CNTLN: variants seen among roughly 807,000 people sequenced by gnomAD.
The protein encoded by CNTLN is centlein, centrosomal protein.
A neutral mutation model predicts 180.0 loss-of-function variants in CNTLN; 212 were observed. That is an observed-to-expected ratio of 1.18 (90% confidence interval 1.05 to 1.32). CNTLN has a LOEUF of 1.32. CNTLN is among the 40% of genes most tolerant of loss of function. The probability of loss-of-function intolerance (pLI) is 0.00; values close to 1 mark genes in which losing one functional copy is unlikely to be tolerated. For missense variants in CNTLN, 2,095 were observed against 1,610.9 expected, an observed-to-expected ratio of 1.30 and a Z score of -5.14; for synonymous variants, 722 against 563.1, an observed-to-expected ratio of 1.28 and a Z score of -3.99.
chr9:17,136,689 A>T (rs939399100), intron 1 of CNTLN, among the ~76,000 whole-genome samples: 1 of 152,212 alleles, frequency 6.6e-6, no homozygotes, highest in African/African-American at 2.4e-5. Flanking sequence ...GGGTGTAAAA[A>T]TGGGACCATC....
At chr9:17,497,608 G>GA (rs781606209) in intron 25 of CNTLN, among the ~76,000 whole-genome samples, 45 of 152,172 alleles carry the variant, frequency 3.0e-4, no homozygotes, top group Admixed American at 5.2e-4. Flanking sequence ...AAATTAAAGA[G>GA]AAAAAAGCTA....
At chr9:17,237,651 A>G (rs901535639) in intron 5 of CNTLN, among the ~76,000 whole-genome samples, 6 of 152,090 alleles carry the variant, frequency 3.9e-5, no homozygotes, top group African/African-American at 1.2e-4. Flanking sequence ...ATTTTATATA[A>G]GAGACTTAAA....
At chr9:17,205,148 G>C (rs1032630195) in intron 2 of CNTLN, among the ~76,000 whole-genome samples, 3 of 152,118 alleles carry the variant, frequency 2.0e-5, no homozygotes, top group Admixed American at 6.5e-5. Flanking sequence ...CAGAAAGCTG[G>C]GCTCTGTGGG....
intron 5 of CNTLN, among the ~76,000 whole-genome samples, chr9:17,248,930 T>C (rs1373408183): frequency 2.0e-5 from 3 of 152,064 alleles, no homozygotes; most frequent in African/African-American, 2.4e-5. Context: ...CTCATGTCAT[T>C]TTGGATTTTA....
chr9:17,293,888 C>T (rs1373118834), intron 6 of CNTLN, among the ~76,000 whole-genome samples: 2 of 152,160 alleles, frequency 1.3e-5, no homozygotes, highest in East Asian at 1.9e-4. Context: ...ACCTCCTGAT[C>T]TGTGGGTAGC....
At chr9:17,151,331 A>G (rs1439286458) in intron 2 of CNTLN, among the ~76,000 whole-genome samples, 1 of 152,166 alleles carries the variant, frequency 6.6e-6, no homozygotes, top group African/African-American at 2.4e-5. Context: ...ATTGATACCT[A>G]GTTTATTGAG....
chr9:17,304,965 G>C (rs370108819), intron 7 of CNTLN, among the ~76,000 whole-genome samples: 1 of 152,082 alleles, frequency 6.6e-6, no homozygotes, highest in East Asian at 1.9e-4. Flanking sequence ...AGGGAATGCT[G>C]TAGTATATTT....
chr9:17,478,131 T>G (rs1031190527), intron 23 of CNTLN, among the ~76,000 whole-genome samples: 6 of 152,234 alleles, frequency 3.9e-5, no homozygotes, highest in African/African-American at 1.4e-4. Context: ...ATAAAGTATT[T>G]TTAATTAAGA....
intron 16 of CNTLN, among the ~76,000 whole-genome samples, chr9:17,413,715 C>T (rs1217099492): frequency 1.3e-5 from 2 of 152,012 alleles, no homozygotes; most frequent in Non-Finnish European, 1.5e-5. Flanking sequence ...GTGAAAATAC[C>T]AAGTGCTGAC....
intron 2 of CNTLN, among the ~76,000 whole-genome samples, chr9:17,174,499 C>A (rs1317611939): frequency 6.6e-6 from 1 of 151,964 alleles, no homozygotes; most frequent in African/African-American, 2.4e-5. Flanking sequence ...AGTTTGAAAC[C>A]AGCCTGGCCA....
intron 12 of CNTLN, among the ~76,000 whole-genome samples, chr9:17,353,286 C>CTTTTT (rs36048699): frequency 7.8e-6 from 1 of 127,566 alleles, no homozygotes; most frequent in Non-Finnish European, 1.6e-5. Context: ...AACTGCCAAA[C>CTTTTT]TTTTTTTTTT....
At chr9:17,269,292 C>T (rs1220032410) in intron 5 of CNTLN, among the ~76,000 whole-genome samples, 1 of 151,906 alleles carries the variant, frequency 6.6e-6, no homozygotes, top group Non-Finnish European at 1.5e-5. Flanking sequence ...TATTTCCTTT[C>T]TTCTGCTAAC....
At chr9:17,262,914 A>C (rs1164341762) in intron 5 of CNTLN, among the ~76,000 whole-genome samples, 3 of 151,198 alleles carry the variant, frequency 2.0e-5, no homozygotes, top group Admixed American at 2.0e-4. Flanking sequence ...AGTTTTTATC[A>C]TGAAGGGTTG....
chr9:17,267,941 A>AT (rs963700098), intron 5 of CNTLN, among the ~76,000 whole-genome samples: 9 of 151,090 alleles, frequency 6.0e-5, no homozygotes, highest in African/African-American at 9.7e-5. Context: ...CATTCGTCTA[A>AT]TTTTTTTTTC....
intron 7 of CNTLN, 91 bp from the exon 8 acceptor site, chr9:17,308,967 C>CAT (rs1171840276): frequency 1.2e-5 from 8 of 647,550 alleles, no homozygotes; most frequent in Non-Finnish European, 1.8e-5. Context: ...TTATACAGTT[C>CAT]ATATGTATAT....
In CNTLN at chr9:17,273,717, A is replaced by G. The variant is rs191287710; in HGVS notation, c.850-16A>G. On this transcript the variant is annotated splice_polypyrimidine_tract_variant and intron_variant, in intron 5 of 25. Transcript: ENST00000380647. ...TTTATTATGTTTGATTATTGATATA[A>G]GCACTCTAATTTTAGACCTTTGAAG... is the stretch of plus-strand genomic sequence containing the variant. The G allele has an allele frequency of 3.9e-4, 543 of 1,395,936 alleles. 5 individuals carry two copies. In the African/African-American group the frequency reaches 7.2e-3, roughly 18 times the overall value. 86.5% of individuals were successfully genotyped at this position (1,395,936 alleles called of 1,614,324 possible). A position where few individuals can be genotyped will look rare whatever the true frequency, so the allele number is the denominator to read the frequency against.
At chr9:17,187,457 C>A (rs1176465463) in intron 2 of CNTLN, among the ~76,000 whole-genome samples, 2 of 151,764 alleles carry the variant, frequency 1.3e-5, no homozygotes, top group Non-Finnish European at 2.9e-5. Context: ...GTAATGGGGT[C>A]ATTATAGAAA....
chr9:17,502,326 C>T (rs1026065036), intron 25 of CNTLN, among the ~76,000 whole-genome samples: 3 of 152,050 alleles, frequency 2.0e-5, no homozygotes, highest in African/African-American at 4.8e-5. Flanking sequence ...TTCAATAAGG[C>T]GTTTATCTTT....
intron 2 of CNTLN, among the ~76,000 whole-genome samples, chr9:17,196,740 T>C (rs909197647): frequency 2.6e-5 from 4 of 151,872 alleles, no homozygotes; most frequent in African/African-American, 9.7e-5. Context: ...GGGTACATAG[T>C]AGGTCTGTTT....
Sources: allele counts gnomAD v4.1 joint callset (sites outside exome capture counted in the v4.1 genomes callset), GRCh38; gene constraint gnomAD v4.1.1; transcripts MANE v1.5; gene names NCBI Gene and HGNC (gene_info 2026-07-23, HGNC 2026-07-21).